Variants in TUSC3 observed in about 807,000 individuals in gnomAD.
TUSC3 encodes dolichyl-diphosphooligosaccharide--protein glycosyltransferase subunit TUSC3.
TUSC3 carries 45 observed loss-of-function variants against 44.8 expected under a neutral mutation model. The ratio of observed to expected loss-of-function variants is 1.00; its 90% CI spans 0.79 to 1.29. The LOEUF is 1.29. Ranked by LOEUF, TUSC3 falls within the 50% of genes most tolerant of loss-of-function variation. TUSC3 has a pLI of 0.00. For synonymous variants in TUSC3, 212 were observed against 152.9 expected (o/e 1.39, Z -2.85); for missense variants, 519 against 437.9 (o/e 1.19, Z -1.65).
chr8:15,786,614 T>C, the TUSC3 span, among the ~76,000 whole-genome samples: 417 of 152,112 alleles, frequency 2.7e-3, no homozygotes, highest in African/African-American at 9.2e-3. Flanking sequence ...CGCATGCAGG[T>C]AGGCACACTT....
intron 1 of TUSC3, among the ~76,000 whole-genome samples, chr8:15,469,969 G>C (rs1800463630): frequency 6.6e-6 from 1 of 152,100 alleles, no homozygotes; most frequent in Non-Finnish European, 1.5e-5. Context: ...AAAGAGATCA[G>C]TGGAGGCTGG....
At chr8:15,598,094 T>C (rs989668455) in intron 1 of TUSC3, among the ~76,000 whole-genome samples, 1 of 151,974 alleles carries the variant, frequency 6.6e-6, no homozygotes, top group African/African-American at 2.4e-5. Flanking sequence ...GAGTTTCCAG[T>C]TGAGTAAATC....
intron 2 of TUSC3, among the ~76,000 whole-genome samples, chr8:15,533,270 C>A (rs1472119170): frequency 2.6e-5 from 4 of 152,154 alleles, no homozygotes; most frequent in African/African-American, 7.2e-5. Flanking sequence ...ATATCTTTAT[C>A]AGCAGCATGA....
chr8:15,542,127 A>G (rs1272452458), intron 1 of TUSC3, among the ~76,000 whole-genome samples: 1 of 151,890 alleles, frequency 6.6e-6, no homozygotes, highest in African/African-American at 2.4e-5. Flanking sequence ...TAATACATTG[A>G]TCAATACATG....
At chr8:15,564,334 T>TATG (rs1239730267) in intron 1 of TUSC3, among the ~76,000 whole-genome samples, 1 of 152,164 alleles carries the variant, frequency 6.6e-6, no homozygotes, top group African/African-American at 2.4e-5. Context: ...ATTTCTTGTC[T>TATG]CATTTGAAAT....
At chr8:15,504,372 A>G (rs1333529356) in intron 2 of TUSC3, among the ~76,000 whole-genome samples, 1 of 151,950 alleles carries the variant, frequency 6.6e-6, no homozygotes, top group African/African-American at 2.4e-5. Context: ...CCATTAAACT[A>G]CTGAGTGTAA....
chr8:15,809,186 G>A, the TUSC3 span, among the ~76,000 whole-genome samples: 24 of 152,144 alleles, frequency 1.6e-4, no homozygotes, highest in Non-Finnish European at 2.9e-4. Flanking sequence ...AGGGCAAGAG[G>A]TAACTGATGA....
chr8:15,770,141 G>C (rs1812415433), downstream of TUSC3, among the ~76,000 whole-genome samples: 1 of 152,126 alleles, frequency 6.6e-6, no homozygotes, highest in African/African-American at 2.4e-5. Context: ...GTTCATAATA[G>C]CAAAGACTTG....
the TUSC3 span, among the ~76,000 whole-genome samples, chr8:15,805,308 T>G: frequency 6.6e-6 from 1 of 152,156 alleles, no homozygotes; most frequent in Non-Finnish European, 1.5e-5. Context: ...CTTTCCTATT[T>G]GGGTGCCTTG....
intron 1 of TUSC3, among the ~76,000 whole-genome samples, chr8:15,619,865 C>A (rs778550449): frequency 6.6e-6 from 1 of 151,942 alleles, no homozygotes; most frequent in Non-Finnish European, 1.5e-5. Flanking sequence ...ATGAATAGAT[C>A]AAGGATAATG....
chr8:15,448,458 T>C (rs1800141588), intron 1 of TUSC3, among the ~76,000 whole-genome samples: 2 of 152,138 alleles, frequency 1.3e-5, no homozygotes, highest in African/African-American at 4.8e-5. Context: ...GAAATGCATG[T>C]ATCAGCATAA....
chr8:15,536,371 G>A (rs965480294), upstream of TUSC3, among the ~76,000 whole-genome samples: 5 of 152,044 alleles, frequency 3.3e-5, no homozygotes, highest in African/African-American at 9.7e-5. Context: ...GATCACTCCA[G>A]ACACTTTACC....
chr8:15,488,851 G>C (rs1800769161), intron 2 of TUSC3, among the ~76,000 whole-genome samples: 1 of 152,148 alleles, frequency 6.6e-6, no homozygotes, highest in Non-Finnish European at 1.5e-5. Flanking sequence ...AGTTGCATAA[G>C]CCACTCAGTC....
At chr8:15,771,326 C>G (rs1585320861), downstream of TUSC3, among the ~76,000 whole-genome samples, 1 of 151,924 alleles carries the variant, frequency 6.6e-6, no homozygotes, top group East Asian at 1.9e-4. Context: ...GGGCTTTTTG[C>G]AAAAATAAGA....
intron 1 of TUSC3, among the ~76,000 whole-genome samples, chr8:15,462,190 C>T (rs1181218347): frequency 6.6e-6 from 1 of 152,102 alleles, no homozygotes; most frequent in Admixed American, 6.6e-5. Flanking sequence ...ACCAAGCCTA[C>T]TTCTGAGCAC....
chr8:15,738,769 A>T (rs181864473), intron 7 of TUSC3, among the ~76,000 whole-genome samples: 1 of 151,514 alleles, frequency 6.6e-6, no homozygotes, highest in Non-Finnish European at 1.5e-5. Context: ...TACATATTAT[A>T]CAAACATATA....
intron 1 of TUSC3, among the ~76,000 whole-genome samples, chr8:15,465,557 T>A (rs1800403482): frequency 6.6e-6 from 1 of 152,222 alleles, no homozygotes; most frequent in African/African-American, 2.4e-5. Context: ...ATACACCTTA[T>A]ATTTAATAAA....
At chr8:15,814,910 A>C in the TUSC3 span, among the ~76,000 whole-genome samples, 1 of 152,164 alleles carries the variant, frequency 6.6e-6, no homozygotes, top group African/African-American at 2.4e-5. Context: ...TTGCATGCTA[A>C]ATGTTGCTGA....
intron 2 of TUSC3, among the ~76,000 whole-genome samples, chr8:15,516,431 C>G (rs1479654775): frequency 6.6e-6 from 1 of 152,178 alleles, no homozygotes; most frequent in East Asian, 1.9e-4. Context: ...AAGCATTACA[C>G]TTGGGATCTC....
Sources: gnomAD v4.1 joint callset for allele counts (sites outside exome capture counted in the v4.1 genomes callset) on GRCh38, gnomAD v4.1.1 for gene constraint, MANE v1.5 for transcripts, NCBI Gene and HGNC (gene_info 2026-07-23, HGNC 2026-07-21) for gene names.